SCLT1: variants seen among roughly 807,000 people sequenced by gnomAD.
The protein encoded by SCLT1 is sodium channel and clathrin linker 1, also known as sodium channel-associated protein 1.
A neutral mutation model predicts 112.8 loss-of-function variants in SCLT1; 78 were observed. The ratio of observed to expected loss-of-function variants is 0.69; its 90% CI spans 0.58 to 0.83. SCLT1 has a LOEUF of 0.83. Ranked by LOEUF, SCLT1 falls within the 40% of genes least tolerant of loss-of-function variation. The pLI, the probability that SCLT1 is intolerant of heterozygous loss-of-function variation, is 0.00. For missense variants in SCLT1, 747 were observed against 770.4 expected (o/e 0.97, Z 0.36); for synonymous variants, 257 against 254.7 (o/e 1.01, Z -0.09).
intron 14 of SCLT1, among the ~76,000 whole-genome samples, chr4:128,950,365 T>A (rs1458742636): frequency 6.6e-6 from 1 of 152,178 alleles, no homozygotes; most frequent in Non-Finnish European, 1.5e-5. Context: ...AAAGAATATT[T>A]GGTTAACCTG....
chr4:129,020,418 T>C (rs1745363343), intron 5 of SCLT1, among the ~76,000 whole-genome samples: 2 of 152,236 alleles, frequency 1.3e-5, no homozygotes, highest in Non-Finnish European at 2.9e-5. Context: ...GATTAGATTA[T>C]AATTTTGCAT....
intron 6 of SCLT1, among the ~76,000 whole-genome samples, chr4:129,002,105 C>T (rs527509603): frequency 5.9e-5 from 9 of 151,874 alleles, no homozygotes; most frequent in African/African-American, 1.9e-4. Flanking sequence ...AATTTTAAAA[C>T]CAAATTTTCA....
chr4:129,024,295 C>A (rs558506044), intron 5 of SCLT1, among the ~76,000 whole-genome samples: 6 of 152,200 alleles, frequency 3.9e-5, no homozygotes, highest in Non-Finnish European at 5.9e-5. Flanking sequence ...TGGAAGGCAC[C>A]CCCAAGTAGG....
chr4:128,982,503 GTTA>G (rs1477010761), intron 9 of SCLT1, among the ~76,000 whole-genome samples: 10 of 152,046 alleles, frequency 6.6e-5, no homozygotes, highest in African/African-American at 2.4e-4. Context: ...TAGTGGCTAA[GTTA>G]TTATTATTAT....
rs1283455694 is a variant in SCLT1 at position 129,003,732 on chromosome 4, G to GTCACTCACT, written c.426_426+8dup. ...CAGAATATAATTTTTAAAAATACATGTCACTCACTTGATTGGCTAGCTGCA... is the reference window on the plus strand; with the variant it reads ...CAGAATATAATTTTTAAAAATACATGTCACTCACTTCACTCACTTGATTGGCTAGCTGCA... On this transcript the variant is annotated intron_variant, in intron 6 of 20. Transcript: ENST00000281142. The GTCACTCACT allele has an allele frequency of 6.3e-7, 1 of 1,585,088 alleles. No homozygotes were observed. Among genetic ancestry groups the GTCACTCACT allele is most frequent in the South Asian group, 1.2e-5 (1 of 84,414 alleles).
intron 4 of SCLT1, chr4:128,875,105 C>G (rs919555448): frequency 6.6e-6 from 1 of 152,086 alleles, no homozygotes; most frequent in Non-Finnish European, 1.5e-5. Flanking sequence ...TTATTTCTAC[C>G]CCCTTTTTGA....
chr4:129,024,527 T>A (rs1378044784), intron 5 of SCLT1, among the ~76,000 whole-genome samples: 3 of 152,074 alleles, frequency 2.0e-5, no homozygotes, highest in African/African-American at 7.2e-5. Flanking sequence ...AGAAAGGACA[T>A]CCACACCAAA....
At position 128,999,661 on chromosome 4, in the gene SCLT1, T is replaced by C. The variant is rs2126081969; in HGVS notation, c.549+11A>G. ...ATTGATATACAAGAAAATGATGAAA[T>C]CCAAGATTACCTTTTGTTTTTGACT... On this transcript the variant is annotated intron_variant, in intron 7 of 20. Coordinates refer to ENST00000281142, the MANE Select transcript of SCLT1 (RefSeq NM_144643.4). 1 of 1,592,666 alleles carries C rather than the reference T, an allele frequency of 6.3e-7. No individual in the cohort carries two copies. The highest frequency in any genetic ancestry group is 8.6e-7 in the Non-Finnish European group (1 of 1,168,904).
chr4:129,024,662 G>A (rs563728344), intron 5 of SCLT1, among the ~76,000 whole-genome samples: 35 of 152,356 alleles, frequency 2.3e-4, no homozygotes, highest in African/African-American at 6.5e-4. Flanking sequence ...CCAAAGGAAC[G>A]CAGTTCCTCA....
intron 17 of SCLT1, among the ~76,000 whole-genome samples, chr4:128,937,820 C>T (rs993711849): frequency 6.6e-6 from 1 of 152,132 alleles, no homozygotes; most frequent in African/African-American, 2.4e-5. Context: ...TCTTTGGATA[C>T]CCTAGAAGCT....
At chr4:128,993,563 G>A (rs563886188) in intron 8 of SCLT1, among the ~76,000 whole-genome samples, 2 of 151,926 alleles carry the variant, frequency 1.3e-5, no homozygotes, top group African/African-American at 4.8e-5. Flanking sequence ...TAAGAGCTCC[G>A]CAACTGCATC....
chr4:129,076,219 C>T (rs1751449536), intron 2 of SCLT1, among the ~76,000 whole-genome samples: 2 of 152,082 alleles, frequency 1.3e-5, no homozygotes, highest in African/African-American at 4.8e-5. Context: ...ATTCATAGTC[C>T]TGTCCCCAGA....
intron 18 of SCLT1, among the ~76,000 whole-genome samples, chr4:128,904,207 C>A (rs1399716746): frequency 2.0e-5 from 3 of 152,064 alleles, no homozygotes; most frequent in Non-Finnish European, 4.4e-5. Flanking sequence ...TTACTATCTT[C>A]CACTAATTTT....
At chr4:128,880,211 T>C (rs915606880), downstream of SCLT1, among the ~76,000 whole-genome samples, 1 of 152,174 alleles carries the variant, frequency 6.6e-6, no homozygotes, top group Non-Finnish European at 1.5e-5. Context: ...TAAAAACGGG[T>C]TGAATTACCA....
intron 9 of SCLT1, among the ~76,000 whole-genome samples, chr4:128,976,491 A>G (rs79183975): frequency 6.6e-6 from 1 of 152,166 alleles, no homozygotes; most frequent in Admixed American, 6.5e-5. Flanking sequence ...AAACATGTTT[A>G]CTTCATGCCT....
At chr4:128,898,187 C>A (rs1197886475) in intron 18 of SCLT1, among the ~76,000 whole-genome samples, 2 of 152,204 alleles carry the variant, frequency 1.3e-5, no homozygotes, top group Non-Finnish European at 2.9e-5. Flanking sequence ...TAGACATCTA[C>A]ACAACTCTCC....
intron 18 of SCLT1, among the ~76,000 whole-genome samples, chr4:128,929,551 T>C (rs1354724966): frequency 6.6e-6 from 1 of 152,204 alleles, no homozygotes; most frequent in African/African-American, 2.4e-5. Flanking sequence ...TGTAATTAGG[T>C]ATCAGGTCAC....
At chr4:128,980,547 A>G (rs1479140589) in intron 9 of SCLT1, among the ~76,000 whole-genome samples, 1 of 152,116 alleles carries the variant, frequency 6.6e-6, no homozygotes, top group African/African-American at 2.4e-5. Flanking sequence ...ACTTATATAT[A>G]AGTAATTTTG....
intron 6 of SCLT1, among the ~76,000 whole-genome samples, chr4:129,000,223 T>A (rs927986380): frequency 2.0e-5 from 3 of 151,790 alleles, no homozygotes; most frequent in African/African-American, 7.2e-5. Context: ...CAGGAGAAAA[T>A]CAGAATCACC....
Sources: gnomAD v4.1 joint callset for allele counts (sites outside exome capture counted in the v4.1 genomes callset) on GRCh38, gnomAD v4.1.1 for gene constraint, MANE v1.5 for transcripts, NCBI Gene and HGNC (gene_info 2026-07-23, HGNC 2026-07-21) for gene names.